The following DOCK9 variants were observed in gnomAD, a reference collection of about 807,000 sequenced individuals.
The protein encoded by DOCK9 is dedicator of cytokinesis 9.
DOCK9 carries 89 observed loss-of-function variants against 263.3 expected under a neutral mutation model. The ratio of observed to expected loss-of-function variants is 0.34; its 90% CI spans 0.28 to 0.40. The LOEUF is 0.40. Ranked by LOEUF, DOCK9 falls within the 10% of genes least tolerant of loss-of-function variation. DOCK9 has a pLI of 1.00. For synonymous variants in DOCK9, 976 were observed against 973.1 expected (o/e 1.00, Z -0.06); for missense variants, 2,140 against 2,603.4 (o/e 0.82, Z 3.87).
intron 1 of DOCK9, among the ~76,000 whole-genome samples, chr13:99,056,489 ATAT>A (rs1326046201): frequency 5.9e-5 from 9 of 152,198 alleles, no homozygotes; most frequent in Non-Finnish European, 1.0e-4. Context: ...GGGAAAAAAG[ATAT>A]TATGTCTGTA....
intron 1 of DOCK9, among the ~76,000 whole-genome samples, chr13:99,072,432 G>A (rs2041721925): frequency 6.6e-6 from 1 of 151,956 alleles, no homozygotes; most frequent in South Asian, 2.1e-4. Context: ...AATATCAAAA[G>A]AACTTTAAAA....
Position 98,932,171 on chromosome 13 carries a change from T to A in DOCK9, c.244-1914A>T, listed in dbSNP as rs562660690. Reference sequence around the variant, plus strand: ...ACTTTGGGAGGCTGAGGTGGGTGGATAACTTGAGGTCAGGAGTTCCAGACC... The same window carrying A: ...ACTTTGGGAGGCTGAGGTGGGTGGAAAACTTGAGGTCAGGAGTTCCAGACC... On this transcript the variant is annotated intron_variant, in intron 2 of 52. Transcript: ENST00000682017. Among the ~76,000 whole-genome samples, 286 of 152,036 alleles carry A rather than the reference T, an allele frequency of 1.9e-3. 4 individuals carry two copies. The South Asian group carries it at 0.02, about 11-fold the overall frequency.
chr13:99,007,867 T>G (rs1235492232), intron 1 of DOCK9, among the ~76,000 whole-genome samples: 2 of 152,222 alleles, frequency 1.3e-5, no homozygotes, highest in African/African-American at 4.8e-5. Flanking sequence ...ACAAACTTTC[T>G]TATCTTGAAT....
At chr13:99,008,185 C>CCTCTCTCTCTCTCT (rs370963218) in intron 1 of DOCK9, among the ~76,000 whole-genome samples, 36 of 100,946 alleles carry the variant, frequency 3.6e-4, no homozygotes, top group South Asian at 2.0e-3. Context: ...TATTGTGCAG[C>CCTCTCTCTCTCTCT]CTCTCTCTCT....
rs375688923 is a variant in DOCK9 at position 99,064,643 on chromosome 13, T to C, written c.129+21580A>G. ...TCTAAATAACTATTTATGAGCTTAC[T>C]ATTTTTAAAGGCTTCTTTCATTTTT... On this transcript the variant is annotated intron_variant, in intron 1 of 32. Coordinates refer to the DOCK9 transcript ENST00000427887. 1.6e-3 allele frequency among the ~76,000 whole-genome samples: 248 copies of C among 152,372 alleles called. 9 individuals are homozygous for C. In the South Asian group the frequency reaches 0.048, roughly 29 times the overall value.
chr13:99,085,307 C>T (rs1217062052), intron 1 of DOCK9, among the ~76,000 whole-genome samples: 2 of 152,234 alleles, frequency 1.3e-5, no homozygotes, highest in Non-Finnish European at 2.9e-5. Flanking sequence ...AAGCCCGTTT[C>T]AAGAAAACAA....
At chr13:98,804,435 G>A (rs1317202162) in intron 49 of DOCK9, among the ~76,000 whole-genome samples, 1 of 152,232 alleles carries the variant, frequency 6.6e-6, no homozygotes, top group African/African-American at 2.4e-5. Context: ...AGGGATCAGT[G>A]AAAACTGCCT....
intron 5 of DOCK9, 141 bp from the exon 6 acceptor site, chr13:98,922,287 G>A: frequency 1.8e-6 from 1 of 571,056 alleles, no homozygotes; most frequent in South Asian, 2.3e-5. Flanking sequence ...TGACACCAAT[G>A]CCTACAAGTC....
chr13:98,926,312 T>C lies in DOCK9; in HGVS notation c.334-393A>G, dbSNP rs142251357. Among the ~76,000 whole-genome samples, 191 of 152,370 alleles carry C rather than the reference T, an allele frequency of 1.3e-3. 2 individuals are homozygous for C. The highest frequency in any genetic ancestry group is 2.1e-3 in the Non-Finnish European group (146 of 68,028). ...ATGCGTGAACTTAAAGACGCCTTCA[T>C]GGTATTTACTAATATTAGAACTAGC... On this transcript the variant is annotated intron_variant, in intron 3 of 52. Transcript: ENST00000682017.
intron 43 of DOCK9, among the ~76,000 whole-genome samples, chr13:98,827,949 T>A (rs1205857028): frequency 2.6e-5 from 4 of 152,200 alleles, no homozygotes; most frequent in Admixed American, 1.3e-4. Flanking sequence ...GTGATATTAT[T>A]TGGAAACAGG....
chr13:98,794,636 G>T lies in DOCK9; in HGVS notation c.6269C>A (p.Ser2090Ter). 1 of 1,601,976 alleles carries T rather than the reference G, an allele frequency of 6.2e-7. No individual in the cohort carries two copies. The highest frequency in any genetic ancestry group is 8.5e-7 in the Non-Finnish European group (1 of 1,174,244). ...TMVHGMTSSS[S>*]VV is the part of the protein sequence containing the mutation. ...GGCCATGAGATGTAATCACACGACC[G>T]AAGACGAGCTGGTCATCCCGTGAAC... The change falls in exon 53 of 53, where the codon TCG becomes TAG. Residue 2090 changes from serine (S) to a stop codon, truncating the protein, a stop_gained. Coordinates refer to ENST00000682017, the MANE Select transcript of DOCK9 (RefSeq NM_001366683.2). LOFTEE classifies it high-confidence loss of function.
intron 2 of DOCK9, among the ~76,000 whole-genome samples, chr13:98,941,936 A>G (rs192804584): frequency 6.6e-6 from 1 of 152,366 alleles, no homozygotes; most frequent in East Asian, 1.9e-4. Flanking sequence ...AACATCTGTG[A>G]GAACCAAATT....
chr13:98,945,685 G>A (rs1235355352), intron 2 of DOCK9, among the ~76,000 whole-genome samples: 1 of 152,128 alleles, frequency 6.6e-6, no homozygotes, highest in Non-Finnish European at 1.5e-5. Context: ...TGTTTTCACT[G>A]AAATCTTAAG....
chr13:98,797,264 A>G lies in DOCK9; in HGVS notation c.6018-11T>C, dbSNP rs1308653948. On this transcript the variant is annotated splice_polypyrimidine_tract_variant and intron_variant, in intron 51 of 52. Coordinates refer to ENST00000682017, the MANE Select transcript of DOCK9 (RefSeq NM_001366683.2). ...GCTTCCACAAATTGCCTGGAATGGT[A>G]CAGGCGGGAGAAACAAAGGCACGCA... 6.2e-7 allele frequency: 1 copy of G among 1,613,854 alleles called. No individual in the cohort carries two copies. The highest frequency in any genetic ancestry group is 2.2e-5 in the East Asian group (1 of 44,888).
intron 1 of DOCK9, among the ~76,000 whole-genome samples, chr13:98,985,760 C>T (rs1299432787): frequency 3.3e-5 from 5 of 152,202 alleles, no homozygotes; most frequent in Non-Finnish European, 4.4e-5. Context: ...TCTTGTTTCG[C>T]GTGATCTGTA....
chr13:98,897,515 A>G lies in DOCK9; in HGVS notation c.1682T>C (p.Met561Thr), dbSNP rs754523962. ...QDSNKLSNDDMLKLLADFRKP... is the reference protein window; with the variant it reads ...QDSNKLSNDDTLKLLADFRKP... ...CCGAAAGTCTGCAAGTAACTTGAGC[A>G]TGTCATCATTGGATAGCTTATTGCT... Residue 561 changes from methionine (M) to threonine (T), a missense_variant, in exon 15 of 53, where the codon ATG (methionine) becomes ACG (threonine). By Grantham distance (81) the Met-to-Thr change is moderately conservative. Coordinates refer to ENST00000682017, the MANE Select transcript of DOCK9 (RefSeq NM_001366683.2). The G allele has an allele frequency of 3.7e-6, 6 of 1,613,810 alleles. No homozygotes were observed. The South Asian group carries it at 6.6e-5, about 18-fold the overall frequency.
chr13:98,799,530 A>T (rs2089854357), intron 50 of DOCK9, among the ~76,000 whole-genome samples: 1 of 152,248 alleles, frequency 6.6e-6, no homozygotes, highest in Non-Finnish European at 1.5e-5. Context: ...TACAAACGGG[A>T]AAGCGCATAT....
At chr13:98,881,802 C>T (rs2044807505) in intron 24 of DOCK9, 90 bp downstream of exon 24, 1 of 1,303,898 alleles carries the variant, frequency 7.7e-7, no homozygotes, top group Non-Finnish European at 1.1e-6. Context: ...ATGTAATGTT[C>T]AGCACACAGT....
chr13:98,856,048 C>A lies in DOCK9; in HGVS notation c.3698-17G>T, dbSNP rs764173624. The A allele has an allele frequency of 1.2e-6, 2 of 1,612,512 alleles. No homozygotes were observed. Among genetic ancestry groups the A allele is most frequent in the African/African-American group, 2.7e-5 (2 of 74,882 alleles). On this transcript the variant is annotated splice_polypyrimidine_tract_variant and intron_variant, in intron 33 of 52. Coordinates refer to ENST00000682017, the MANE Select transcript of DOCK9 (RefSeq NM_001366683.2). ...ATGGAGAAGCTAAATGGAAATCAAG[C>A]CAACAATAAAGTTTTATTAAGACAG... is the stretch of plus-strand genomic sequence containing the variant.
Sources: gnomAD v4.1 joint callset for allele counts (sites outside exome capture counted in the v4.1 genomes callset) on GRCh38, gnomAD v4.1.1 for gene constraint, MANE v1.5 for transcripts, NCBI Gene and HGNC (gene_info 2026-07-23, HGNC 2026-07-21) for gene names.